TRABD: variants seen among roughly 807,000 people sequenced by gnomAD.
TRABD encodes the protein TraB domain containing.
TRABD carries 23 observed loss-of-function variants against 39.6 expected under a neutral mutation model. That is an observed-to-expected ratio of 0.58 (90% CI 0.42 to 0.82). The LOEUF (loss-of-function observed/expected upper bound fraction) is 0.82. Ranked by LOEUF, TRABD falls within the 40% of genes least tolerant of loss-of-function variation. The probability of loss-of-function intolerance (pLI) is 0.00; values close to 1 mark genes in which losing one functional copy is unlikely to be tolerated. For synonymous variants in TRABD, 243 were observed against 232.1 expected, an observed-to-expected ratio of 1.05 and a Z score of -0.43; for missense variants, 487 against 544.9, an observed-to-expected ratio of 0.89 and a Z score of 1.06.
In TRABD at chr22:50,198,032, G is replaced by A. The variant is rs1161724478; in HGVS notation, c.844+37G>A. ...CCGCAGGCGTGGGACCCCCTGTGAG[G>A]CTGAGGCCCGAGCAGGTACTGACCC... On this transcript the variant is annotated intron_variant, in intron 8 of 9. Transcript: ENST00000380909. The surrounding 1 kb of genome is among the most constrained non-coding windows in gnomAD (Gnocchi z 7.9). 1 of 1,610,930 alleles carries A rather than the reference G, an allele frequency of 6.2e-7. No individual in the cohort carries two copies. The highest frequency in any genetic ancestry group is 8.5e-7 in the Non-Finnish European group (1 of 1,178,654).
intron 1 of TRABD, among the ~76,000 whole-genome samples, chr22:50,191,252 G>T (rs1255891855): frequency 6.6e-6 from 1 of 152,176 alleles, no homozygotes; most frequent in Non-Finnish European, 1.5e-5. Context: ...TGGTTGCACT[G>T]AGACAGGCCT....
At position 50,198,320 on chromosome 22, in the gene TRABD, G is replaced by A; in HGVS notation, c.957-25G>A. 6.5e-7 allele frequency: 1 copy of A among 1,542,118 alleles called. No individual in the cohort carries two copies. The highest frequency in any genetic ancestry group is 8.7e-7 in the Non-Finnish European group (1 of 1,143,820). On this transcript the variant is annotated intron_variant, in intron 9 of 9. Coordinates refer to ENST00000380909, the MANE Select transcript of TRABD (RefSeq NM_001320485.2). This position sits in a 1 kb window ranked among gnomAD's most constrained non-coding sequence, Gnocchi z 7.9. Reference sequence around the variant, plus strand: ...GTATGGGGAGCCCACCCCCAGCCAGGCCCAGCGCCCCCTCCCTCCCACAGC... The same window carrying A: ...GTATGGGGAGCCCACCCCCAGCCAGACCCAGCGCCCCCTCCCTCCCACAGC...
Position 50,197,577 on chromosome 22 carries a change from A to C in TRABD, c.660A>C (p.Ser220=), listed in dbSNP as rs1299283138. The C allele has an allele frequency of 3.0e-5, 49 of 1,612,994 alleles. No individual in the cohort carries two copies. Among genetic ancestry groups the C allele is most frequent in the Non-Finnish European group, 4.1e-5 (48 of 1,179,944 alleles). The part of the protein sequence containing the change: ...VRLAWGLCFL[S]DPISKDDVER... ...TGGCTTGGGGCCTGTGCTTCCTGTCAGACCCCATCAGGTAGGGCTGCCCCC... is the reference window on the plus strand; with the variant it reads ...TGGCTTGGGGCCTGTGCTTCCTGTCCGACCCCATCAGGTAGGGCTGCCCCC... Residue 220 remains serine (S), a synonymous_variant, in exon 7 of 10, where the codon TCA becomes TCC. Coordinates refer to ENST00000380909, the MANE Select transcript of TRABD (RefSeq NM_001320485.2).
chr22:50,187,341 G>A (rs2063786041), intron 1 of TRABD, among the ~76,000 whole-genome samples: 1 of 152,202 alleles, frequency 6.6e-6, no homozygotes, highest in African/African-American at 2.4e-5. Context: ...AAGCGGTCCC[G>A]CCAAAGCCGG....
chr22:50,193,453 G>A, intron 2 of TRABD, 123 bp from the exon 3 acceptor site: 2 of 933,730 alleles, frequency 2.1e-6, no homozygotes, highest in Non-Finnish European at 3.3e-6. Flanking sequence ...CGTTTTTCAG[G>A]GTGTGTGGTC....
rs1185180538 is a variant in TRABD, at chr22:50,197,339, G to A, written c.519G>A (p.Glu173=). 6.2e-7 allele frequency: 1 copy of A among 1,613,794 alleles called. No individual in the cohort carries two copies. Among genetic ancestry groups the A allele is most frequent in the East Asian group, 2.2e-5 (1 of 44,890 alleles). ...LGMAPGGEFR[E]AFKEASKVPF... is the part of the protein sequence containing the mutation. ...TGGCCCCAGGTGGCGAGTTCAGGGA[G>A]GCCTTCAAGGAGGTGGGCACAGGGT... Residue 173 remains glutamate, a synonymous_variant, in exon 6 of 10, where the codon GAG becomes GAA. Transcript: ENST00000380909.
intron 1 of TRABD, chr22:50,192,365 G>A (rs56308603): frequency 0.14 from 21,017 of 152,342 alleles, 1,602 homozygotes; most frequent in South Asian, 0.28. Flanking sequence ...CCCGGCCTGA[G>A]CTCCTGGTTT....
Position 50,199,488 on chromosome 22 carries a change from G to A in TRABD, c.*969G>A, listed in dbSNP as rs913910081. On this transcript the variant is annotated 3_prime_UTR_variant, in exon 10 of 10. Transcript: ENST00000380909. ...GGCCATCTCTGGTTGTGTCTGTGCC[G>A]ACTCGGTGTTGAATCAAATCAGGTG... The A allele has an allele frequency of 2.2e-4, 46 of 211,800 alleles. No homozygotes were observed. The highest frequency in any genetic ancestry group is 9.6e-4 in the African/African-American group (42 of 43,724). 13.1% of individuals were successfully genotyped at this position (211,800 alleles called of 1,614,324 possible). A position where few individuals can be genotyped will look rare whatever the true frequency, so the allele number is the denominator to read the frequency against.
At position 50,197,740 on chromosome 22, in the gene TRABD, C is replaced by A. The variant is rs928441209; in HGVS notation, c.672-83C>A. On this transcript the variant is annotated intron_variant, in intron 7 of 9. Transcript: ENST00000380909. ...AAATCCCAAACAAACGTGCTGTGGT[C>A]CCTGCCCGGTGTCCACAGTGCCAGC... The A allele has an allele frequency of 3.4e-5, 54 of 1,580,176 alleles. No homozygotes were observed. In the South Asian group the frequency reaches 6.1e-4, roughly 18 times the overall value.
At chr22:50,196,352 C>A (rs1250244801) in intron 5 of TRABD, among the ~76,000 whole-genome samples, 2 of 152,226 alleles carry the variant, frequency 1.3e-5, no homozygotes, top group Non-Finnish European at 1.5e-5. Flanking sequence ...CGGGACATTC[C>A]CAGGGCTCAT....
intron 7 of TRABD, 60 bp from the exon 8 acceptor site, chr22:50,197,763 A>AGGCCCCCCCCCCCCCCCCCCG: frequency 1.4e-6 from 2 of 1,439,770 alleles, no homozygotes; most frequent in Non-Finnish European, 1.9e-6. Flanking sequence ...CCACAGTGCC[A>AGGCCCCCCCCCCCCCCCCCCG]GCCCCACCCC....
rs1291794225 is a variant in TRABD, at chr22:50,198,820, G to A, written c.*301G>A. On this transcript the variant is annotated 3_prime_UTR_variant, in exon 10 of 10. Transcript: ENST00000380909. The surrounding 1 kb of genome is among the most constrained non-coding windows in gnomAD (Gnocchi z 7.9). ...GGCAGGGGCTTATAGGAGGGGCCGA[G>A]GCGTGCGCTGCCCTCTCAGCCCTGG... 2 of 546,168 alleles carry A rather than the reference G, an allele frequency of 3.7e-6. No homozygotes were observed. Among genetic ancestry groups the A allele is most frequent in the Non-Finnish European group, 6.5e-6 (2 of 307,966 alleles). 33.8% of individuals were successfully genotyped at this position (546,168 alleles called of 1,614,324 possible).
chr22:50,193,044 G>A lies in TRABD; in HGVS notation c.-17G>A. 1 of 1,544,828 alleles carries A rather than the reference G, an allele frequency of 6.5e-7. No homozygotes were observed. Among genetic ancestry groups the A allele is most frequent in the Non-Finnish European group, 8.7e-7 (1 of 1,147,018 alleles). On this transcript the variant is annotated 5_prime_UTR_variant, in exon 2 of 10. Coordinates refer to ENST00000380909, the MANE Select transcript of TRABD (RefSeq NM_001320485.2). ...CTCCTCAGGCTCCCCACAGGTGCAGGAAGCCGCCGCCCAGCCATGGACGGG... is the reference window on the plus strand; with the variant it reads ...CTCCTCAGGCTCCCCACAGGTGCAGAAAGCCGCCGCCCAGCCATGGACGGG...
chr22:50,198,390 G>T lies in TRABD; in HGVS notation c.1002G>T (p.Val334=), dbSNP rs746995740. The T allele has an allele frequency of 2.5e-6, 4 of 1,594,290 alleles. No individual in the cohort carries two copies. Among genetic ancestry groups the T allele is most frequent in the Non-Finnish European group, 2.6e-6 (3 of 1,175,844 alleles). ...CCGGCAGAGTGTCTCGGTTGGCCGT[G>T]AAGGCCGCCTTCTTCGGCCTGCTGG... ...SVSGRVSRLA[V]KAAFFGLLGY... Residue 334 remains valine, a synonymous_variant, in exon 10 of 10, where the codon GTG becomes GTT. Transcript: ENST00000380909. The surrounding 1 kb of genome is among the most constrained non-coding windows in gnomAD (Gnocchi z 7.9).
chr22:50,198,015 G>T lies in TRABD; in HGVS notation c.844+20G>T, dbSNP rs372976023. On this transcript the variant is annotated intron_variant, in intron 8 of 9. Transcript: ENST00000380909. This position sits in a 1 kb window ranked among gnomAD's most constrained non-coding sequence, Gnocchi z 7.9. ...CTGACGGTGACGGCCGCCCGCAGGC[G>T]TGGGACCCCCTGTGAGGCTGAGGCC... is the stretch of plus-strand genomic sequence containing the variant. 2.5e-6 allele frequency: 4 copies of T among 1,610,718 alleles called. No homozygotes were observed. The highest frequency in any genetic ancestry group is 3.4e-6 in the Non-Finnish European group (4 of 1,178,568).
At chr22:50,197,793 C>T in intron 7 of TRABD, 30 bp from the exon 8 acceptor site, 2 of 1,603,610 alleles carry the variant, frequency 1.2e-6, no homozygotes, top group Non-Finnish European at 1.7e-6. Flanking sequence ...TTGCCCATCC[C>T]TGCGGGGCTG....
chr22:50,196,939 C>T, intron 5 of TRABD: 1 of 340,264 alleles, frequency 2.9e-6, no homozygotes, highest in Non-Finnish European at 5.5e-6. Flanking sequence ...ACCTCGTGAT[C>T]CGCCTGCCTC....
At chr22:50,187,691 CAGGCT>C (rs2063795633) in intron 1 of TRABD, among the ~76,000 whole-genome samples, 1 of 152,192 alleles carries the variant, frequency 6.6e-6, no homozygotes, top group African/African-American at 2.4e-5. Flanking sequence ...TAAAAAACAG[CAGGCT>C]GGGCTGGGTG....
intron 5 of TRABD, among the ~76,000 whole-genome samples, chr22:50,196,039 C>T (rs2064091024): frequency 6.6e-6 from 1 of 152,186 alleles, no homozygotes; most frequent in Admixed American, 6.5e-5. Context: ...CTCGAAGGGG[C>T]ATAGAATTCG....
Sources: allele counts gnomAD v4.1 joint callset (sites outside exome capture counted in the v4.1 genomes callset), GRCh38; gene constraint gnomAD v4.1.1; non-coding constraint Gnocchi (gnomAD v3.1); transcripts MANE v1.5; gene names NCBI Gene and HGNC (gene_info 2026-07-23, HGNC 2026-07-21).